ARSB: variants seen among roughly 807,000 people sequenced by gnomAD.
The protein encoded by ARSB is arylsulfatase B.
Under a neutral mutation model 50.9 loss-of-function variants are expected in ARSB, and 41 were observed. That is an observed-to-expected ratio of 0.81 (90% CI 0.63 to 1.04). The LOEUF (loss-of-function observed/expected upper bound fraction) is 1.04, where lower values mean the gene tolerates loss of function less well. ARSB is among the 50% of genes least tolerant of loss of function. The probability of loss-of-function intolerance (pLI) is 0.00; values close to 1 mark genes in which losing one functional copy is unlikely to be tolerated. For synonymous variants in ARSB, 269 were observed against 284.8 expected (o/e 0.94, Z 0.56); for missense variants, 672 against 693.3 (o/e 0.97, Z 0.35).
intron 4 of ARSB, among the ~76,000 whole-genome samples, chr5:78,898,093 C>A (rs930159902): frequency 6.6e-6 from 1 of 152,034 alleles, no homozygotes; most frequent in African/African-American, 2.4e-5. Context: ...CATGGAGAAA[C>A]CCCGGCTCTA....
intron 6 of ARSB, among the ~76,000 whole-genome samples, chr5:78,831,600 C>G (rs540902032): frequency 1.2e-4 from 18 of 152,186 alleles, no homozygotes; most frequent in Non-Finnish European, 1.9e-4. Context: ...AGCGATGAGA[C>G]CTGCGAAATC....
intron 6 of ARSB, among the ~76,000 whole-genome samples, chr5:78,782,327 C>A (rs1165300687): frequency 1.3e-5 from 2 of 152,170 alleles, no homozygotes; most frequent in Admixed American, 1.3e-4. Context: ...AACATTTAAA[C>A]ACACTTTCTG....
intron 6 of ARSB, among the ~76,000 whole-genome samples, chr5:78,824,918 G>C (rs1355244516): frequency 1.3e-5 from 2 of 152,206 alleles, no homozygotes; most frequent in African/African-American, 4.8e-5. Flanking sequence ...CATTTTGACA[G>C]ATGTGGTTAG....
rs1748826597 is a variant in ARSB at position 78,778,276 on chromosome 5, G to C, written c.*2121C>G. On this transcript the variant is annotated 3_prime_UTR_variant, in exon 8 of 8. Transcript: ENST00000264914. ...GTTTGGTCAGCTGTTTGCCAACCCA[G>C]GAGTTGGGTAAAGGTTGGTAAGAGA... The C allele has an allele frequency of 6.6e-6, 1 of 152,224 alleles. No individual in the cohort carries two copies. The highest frequency in any genetic ancestry group is 6.5e-5 in the Admixed American group (1 of 15,276). The allele number at this position is 152,224 out of a possible 1,614,324, so 9.4% of individuals were successfully genotyped here.
rs77051662 is a variant in ARSB at position 78,907,949 on chromosome 5, T to A, written c.899-22122A>T. On this transcript the variant is annotated intron_variant, in intron 4 of 7. Transcript: ENST00000264914. ...CATACACTGCACTACAGAAGGATAA[T>A]TAAAAGCAGGGGGAAGGGGGAAGTC... Among the ~76,000 whole-genome samples the A allele has an allele frequency of 8.5e-5, 13 of 152,190 alleles. 1 individual carries two copies. In the East Asian group the frequency reaches 2.5e-3, roughly 29 times the overall value.
At chr5:78,883,676 A>G (rs1458272099) in intron 5 of ARSB, 1 of 152,190 alleles carries the variant, frequency 6.6e-6, no homozygotes, top group African/African-American at 2.4e-5. Flanking sequence ...GGTTTGTAAG[A>G]GATGAGGACC....
At position 78,807,460 on chromosome 5, in the gene ARSB, G is replaced by A. The variant is rs185566169; in HGVS notation, c.1214-25486C>T. Among the ~76,000 whole-genome samples the A allele has an allele frequency of 2.1e-4, 32 of 152,300 alleles. No individual in the cohort carries two copies. The East Asian group carries it at 3.5e-3, about 17-fold the overall frequency. ...ACCTCAGGAAAGCATACTCCTCATTGGAGGGAGGCAAGTGATTCACCTCAA... is the reference window on the plus strand; with the variant it reads ...ACCTCAGGAAAGCATACTCCTCATTAGAGGGAGGCAAGTGATTCACCTCAA... On this transcript the variant is annotated intron_variant, in intron 6 of 7. Coordinates refer to ENST00000264914, the MANE Select transcript of ARSB (RefSeq NM_000046.5).
At chr5:78,812,587 G>A (rs1180968878) in intron 6 of ARSB, among the ~76,000 whole-genome samples, 1 of 67,146 alleles carries the variant, frequency 1.5e-5, no homozygotes, top group Non-Finnish European at 3.0e-5. Flanking sequence ...TGAACATTCT[G>A]TTCAAACACA....
intron 5 of ARSB, among the ~76,000 whole-genome samples, chr5:78,876,283 T>C (rs940340851): frequency 2.2e-4 from 34 of 152,158 alleles, no homozygotes; most frequent in African/African-American, 8.0e-4. Flanking sequence ...TACTGATAGA[T>C]TGAATTTAAA....
chr5:78,980,573 T>C (rs1224487156), intron 1 of ARSB, among the ~76,000 whole-genome samples: 1 of 152,134 alleles, frequency 6.6e-6, no homozygotes, highest in Non-Finnish European at 1.5e-5. Context: ...TGATTGCAAA[T>C]GTTAAGTAAA....
intron 5 of ARSB, among the ~76,000 whole-genome samples, chr5:78,869,646 T>G (rs1747012175): frequency 1.3e-5 from 2 of 151,850 alleles, no homozygotes; most frequent in South Asian, 4.2e-4. Context: ...CCAGAATCTC[T>G]GGGACGCATT....
intron 4 of ARSB, among the ~76,000 whole-genome samples, chr5:78,943,712 T>C (rs1422167795): frequency 1.3e-5 from 2 of 152,188 alleles, no homozygotes; most frequent in African/African-American, 4.8e-5. Flanking sequence ...CCGTTAACAT[T>C]TTTTCCTTCA....
intron 1 of ARSB, among the ~76,000 whole-genome samples, chr5:78,969,624 T>C (rs1291079917): frequency 1.3e-5 from 2 of 152,168 alleles, no homozygotes; most frequent in Non-Finnish European, 2.9e-5. Context: ...TTTGTTTTTG[T>C]TTTTGTTTTG....
intron 4 of ARSB, among the ~76,000 whole-genome samples, chr5:78,918,904 A>G (rs1262645606): frequency 1.3e-5 from 2 of 152,234 alleles, no homozygotes; most frequent in East Asian, 1.9e-4. Context: ...TCTGCCGATG[A>G]AAGTTACCGT....
intron 5 of ARSB, among the ~76,000 whole-genome samples, chr5:78,852,857 G>C (rs1027091921): frequency 1.3e-5 from 2 of 152,136 alleles, no homozygotes; most frequent in Non-Finnish European, 2.9e-5. Context: ...ATCAGCTCCT[G>C]AGGCTTCTGC....
intron 6 of ARSB, among the ~76,000 whole-genome samples, chr5:78,807,334 C>T (rs1033863196): frequency 2.6e-5 from 4 of 152,190 alleles, no homozygotes; most frequent in African/African-American, 9.7e-5. Context: ...AGTTGGCTTC[C>T]AGGTTGATTT....
chr5:78,827,409 C>A lies in ARSB; in HGVS notation c.1213+11947G>T, dbSNP rs187993054. Among the ~76,000 whole-genome samples, 971 of 152,186 alleles carry A rather than the reference C, an allele frequency of 6.4e-3. 13 individuals carry two copies. The highest frequency in any genetic ancestry group is 0.058 in the Middle Eastern group (17 of 294). On this transcript the variant is annotated intron_variant, in intron 6 of 7. Coordinates refer to ENST00000264914, the MANE Select transcript of ARSB (RefSeq NM_000046.5). ...ATTTTTTAGTAAAGACGGGGTTTTG[C>A]CATGTTGGCCAGGCTGGTCTTGAGC...
intron 4 of ARSB, among the ~76,000 whole-genome samples, chr5:78,896,922 T>C (rs921947529): frequency 6.6e-6 from 1 of 152,000 alleles, no homozygotes; most frequent in Non-Finnish European, 1.5e-5. Context: ...AGGCAATTAA[T>C]AATAAAATAG....
At chr5:78,788,398 G>C (rs1235975681) in intron 6 of ARSB, among the ~76,000 whole-genome samples, 1 of 152,180 alleles carries the variant, frequency 6.6e-6, no homozygotes, top group Non-Finnish European at 1.5e-5. Context: ...TGGCCTGGTG[G>C]TGGTTTCAGT....
Sources: allele counts gnomAD v4.1 joint callset (sites outside exome capture counted in the v4.1 genomes callset), GRCh38; gene constraint gnomAD v4.1.1; transcripts MANE v1.5; gene names NCBI Gene and HGNC (gene_info 2026-07-23, HGNC 2026-07-21).